SLC44A1: variants seen among roughly 807,000 people sequenced by gnomAD.
SLC44A1 encodes solute carrier family 44 member 1.
Under a neutral mutation model 79.3 loss-of-function variants are expected in SLC44A1, and 26 were observed. The ratio of observed to expected loss-of-function variants is 0.33; its 90% CI spans 0.24 to 0.46. The LOEUF (loss-of-function observed/expected upper bound fraction) is 0.46, where lower values mean the gene tolerates loss of function less well. SLC44A1 is among the 20% of genes least tolerant of loss of function. The pLI is 1.00. For missense variants in SLC44A1, 688 were observed against 798.1 expected (o/e 0.86, Z 1.66); for synonymous variants, 263 against 286.2 (o/e 0.92, Z 0.82).
At chr9:105,290,727 ATCTT>A (rs1177581046) in intron 1 of SLC44A1, among the ~76,000 whole-genome samples, 1 of 152,226 alleles carries the variant, frequency 6.6e-6, no homozygotes, top group Non-Finnish European at 1.5e-5. Context: ...TCTCTCTGTG[ATCTT>A]TCTATCACTA....
chr9:105,391,939 A>G lies in SLC44A1; in HGVS notation c.*2883A>G, dbSNP rs1479349254. ...TGTCAATTGTAGTAGTGACCAGAGT[A>G]TCGTGGTTTTTGCCATCAGATAATT... is the stretch of plus-strand genomic sequence containing the variant. On this transcript the variant is annotated 3_prime_UTR_variant, in exon 16 of 16. Transcript: ENST00000374720. 2 of 985,222 alleles carry G rather than the reference A, an allele frequency of 2.0e-6. No homozygotes were observed. Among genetic ancestry groups the G allele is most frequent in the Non-Finnish European group, 2.4e-6 (2 of 829,770 alleles). 61.0% of individuals were successfully genotyped at this position (985,222 alleles called of 1,614,324 possible).
At chr9:105,271,511 AGAAGTGT>A (rs1314783309) in intron 1 of SLC44A1, among the ~76,000 whole-genome samples, 3 of 152,202 alleles carry the variant, frequency 2.0e-5, no homozygotes, top group African/African-American at 7.2e-5. Context: ...GCAAACACAT[AGAAGTGT>A]GAAATGTGTA....
intron 3 of SLC44A1, among the ~76,000 whole-genome samples, chr9:105,325,870 T>C (rs1242854429): frequency 2.6e-5 from 4 of 152,232 alleles, no homozygotes; most frequent in East Asian, 1.9e-4. Context: ...ACTTAAAACA[T>C]TGAATTGCAC....
intron 15 of SLC44A1, among the ~76,000 whole-genome samples, chr9:105,409,207 CAA>C (rs1829065900): frequency 6.6e-6 from 1 of 151,940 alleles, no homozygotes; most frequent in Admixed American, 6.6e-5. Flanking sequence ...AATTTACGTC[CAA>C]AGACACAAAT....
intron 2 of SLC44A1, among the ~76,000 whole-genome samples, chr9:105,308,061 A>T (rs951212535): frequency 2.0e-5 from 3 of 152,238 alleles, no homozygotes; most frequent in Non-Finnish European, 4.4e-5. Flanking sequence ...TGTAATTCTC[A>T]TAACAGCCTT....
intron 1 of SLC44A1, among the ~76,000 whole-genome samples, chr9:105,281,781 C>T (rs1251126920): frequency 6.6e-6 from 1 of 152,148 alleles, no homozygotes; most frequent in Non-Finnish European, 1.5e-5. Context: ...TCAGCTTATT[C>T]TTGGGTGGAC....
intron 1 of SLC44A1, among the ~76,000 whole-genome samples, chr9:105,285,852 G>A (rs554561648): frequency 8.5e-5 from 13 of 152,260 alleles, no homozygotes; most frequent in Admixed American, 3.9e-4. Context: ...GGATGTATAC[G>A]TGCAGGTCAC....
chr9:105,399,724 A>T (rs1405804502), downstream of SLC44A1, among the ~76,000 whole-genome samples: 1 of 52,800 alleles, frequency 1.9e-5, no homozygotes, highest in East Asian at 6.3e-4. Context: ...TATTTAATAC[A>T]TTGGATTAAT....
chr9:105,413,326 G>A (rs1227021818), intron 15 of SLC44A1, among the ~76,000 whole-genome samples: 1 of 152,140 alleles, frequency 6.6e-6, no homozygotes, highest in Non-Finnish European at 1.5e-5. Context: ...TGAAGTGGTC[G>A]TATGACATAG....
chr9:105,416,497 G>A (rs1288230674), intron 15 of SLC44A1, among the ~76,000 whole-genome samples: 1 of 152,040 alleles, frequency 6.6e-6, no homozygotes, highest in African/African-American at 2.4e-5. Flanking sequence ...TTCCATTGGG[G>A]TGGGTCAAGG....
intron 15 of SLC44A1, among the ~76,000 whole-genome samples, chr9:105,405,628 G>A (rs1294620479): frequency 1.3e-5 from 2 of 152,088 alleles, no homozygotes; most frequent in African/African-American, 2.4e-5. Flanking sequence ...TAAGCAATGT[G>A]TGGTTAGACC....
chr9:105,304,906 A>G (rs563769977), intron 2 of SLC44A1, among the ~76,000 whole-genome samples: 2 of 141,500 alleles, frequency 1.4e-5, no homozygotes, highest in South Asian at 2.2e-4. Context: ...TATGCTCAAT[A>G]AATGCTTATT....
intron 12 of SLC44A1, among the ~76,000 whole-genome samples, chr9:105,370,730 G>A (rs1308430554): frequency 1.3e-5 from 2 of 152,202 alleles, no homozygotes; most frequent in African/African-American, 2.4e-5. Flanking sequence ...GAATGGAGAC[G>A]TGTGGGTCCT....
chr9:105,351,674 G>GA (rs1359633907), intron 5 of SLC44A1, among the ~76,000 whole-genome samples: 1 of 148,660 alleles, frequency 6.7e-6, no homozygotes, highest in South Asian at 2.1e-4. Context: ...AAGAAAGAAA[G>GA]AACCAAGAAA....
intron 10 of SLC44A1, 147 bp downstream of exon 10, chr9:105,364,867 T>C (rs1827892869): frequency 1.7e-6 from 1 of 585,530 alleles, no homozygotes; most frequent in East Asian, 2.9e-5. Flanking sequence ...GTGTTATATA[T>C]AGTTGATAAT....
At chr9:105,347,446 A>G (rs1827275185) in intron 4 of SLC44A1, among the ~76,000 whole-genome samples, 1 of 151,984 alleles carries the variant, frequency 6.6e-6, no homozygotes, top group Non-Finnish European at 1.5e-5. Flanking sequence ...CCAGTATTCT[A>G]GTTGCTGTAT....
At position 105,394,025 on chromosome 9, in the gene SLC44A1, G is replaced by T; in HGVS notation, c.*4969G>T. ...TTTTGAAGAGACAATGGGTCTCTTT[G>T]AGCTTAAGAAAGCTATGGACTATCT... On this transcript the variant is annotated 3_prime_UTR_variant, in exon 16 of 16. Transcript: ENST00000374720. 2.0e-6 allele frequency: 2 copies of T among 984,820 alleles called. No homozygotes were observed. Among genetic ancestry groups the T allele is most frequent in the Non-Finnish European group, 2.4e-6 (2 of 829,416 alleles). 61.0% of individuals were successfully genotyped at this position (984,820 alleles called of 1,614,324 possible). A position where few individuals can be genotyped will look rare whatever the true frequency, so the allele number is the denominator to read the frequency against.
chr9:105,365,441 T>G (rs1246722211), intron 10 of SLC44A1, 42 bp from the exon 11 acceptor site: 1 of 1,528,470 alleles, frequency 6.5e-7, no homozygotes, highest in South Asian at 1.1e-5. Context: ...CATCCTGATC[T>G]AGGCTTTGTT....
At chr9:105,310,802 C>A (rs1564429524) in intron 3 of SLC44A1, among the ~76,000 whole-genome samples, 5 of 152,046 alleles carry the variant, frequency 3.3e-5, no homozygotes, top group Admixed American at 3.3e-4. Flanking sequence ...CTGAAGAAAT[C>A]CAAATAGTTA....
Sources: allele counts gnomAD v4.1 joint callset (sites outside exome capture counted in the v4.1 genomes callset), GRCh38; gene constraint gnomAD v4.1.1; transcripts MANE v1.5; gene names NCBI Gene and HGNC (gene_info 2026-07-23, HGNC 2026-07-21).